The following PRKDC variants were observed in gnomAD, a reference collection of about 807,000 sequenced individuals.
PRKDC encodes the protein DNA-dependent protein kinase catalytic subunit.
Under a neutral mutation model 486.9 loss-of-function variants are expected in PRKDC, and 82 were observed. The observed-to-expected ratio is 0.17, with a 90% confidence interval of 0.14 to 0.20. The LOEUF (loss-of-function observed/expected upper bound fraction) is 0.20. PRKDC is among the 10% of genes least tolerant of loss of function. The pLI is 1.00. For missense variants in PRKDC, 4,504 were observed against 5,038.2 expected (o/e 0.89, Z 3.21); for synonymous variants, 1,895 against 1,837.0 (o/e 1.03, Z -0.81).
Position 47,785,259 on chromosome 8 carries a change from A to T in PRKDC, c.10961T>A (p.Met3654Lys). The T allele has an allele frequency of 6.2e-7, 1 of 1,613,020 alleles. No individual in the cohort carries two copies. The highest frequency in any genetic ancestry group is 8.5e-7 in the Non-Finnish European group (1 of 1,179,350). The change falls in exon 77 of 86, where the codon ATG becomes AAG. Residue 3654 changes from methionine to lysine, a missense_variant. Transcript: ENST00000314191. ...FGKGGSKLLRMKLSDFNDITN... is the reference protein window; with the variant it reads ...FGKGGSKLLRKKLSDFNDITN... ...AATGTCGTTGAAGTCACTGAGCTTC[A>T]TTCTCAGTAGTTTAGAACCTCCTTT...
chr8:47,777,029 T>C (rs1313358587), intron 84 of PRKDC, 46 bp from the exon 85 acceptor site: 4 of 1,577,902 alleles, frequency 2.5e-6, no homozygotes, highest in Non-Finnish European at 3.4e-6. Context: ...TAATGGTATA[T>C]ACAATCATGC....
At chr8:47,922,774 A>C (rs1234803916) in intron 21 of PRKDC, among the ~76,000 whole-genome samples, 1 of 152,190 alleles carries the variant, frequency 6.6e-6, no homozygotes, top group Non-Finnish European at 1.5e-5. Flanking sequence ...ATAATGTTTT[A>C]AAGACTTATT....
chr8:47,859,826 A>C (rs2088634139), intron 45 of PRKDC, 67 bp from the exon 46 acceptor site: 1 of 1,407,782 alleles, frequency 7.1e-7, no homozygotes, highest in Non-Finnish European at 9.7e-7. Context: ...TATTTCTCTA[A>C]ATTCAAATGA....
chr8:47,837,116 T>G, intron 57 of PRKDC, 96 bp downstream of exon 57: 1 of 1,290,912 alleles, frequency 7.7e-7, no homozygotes, highest in East Asian at 2.5e-5. Flanking sequence ...GAATGTGTAT[T>G]CTGAGAAGGC....
At chr8:47,908,258 C>T (rs1022998994) in intron 25 of PRKDC, among the ~76,000 whole-genome samples, 13 of 152,190 alleles carry the variant, frequency 8.5e-5, no homozygotes, top group African/African-American at 2.2e-4. Context: ...GTTTACAAAA[C>T]GGTTGACTAT....
At position 47,782,580 on chromosome 8, in the gene PRKDC, G is replaced by T; in HGVS notation, c.11194C>A (p.Leu3732Met). The T allele has an allele frequency of 6.4e-7, 1 of 1,561,074 alleles. No individual in the cohort carries two copies. The stretch of plus-strand genomic sequence containing the variant: ...ATGATGATGCGCTTGGGCCTTCGCA[G>T]AGACGCCATGACTGTCACCTTCAAA... Reference protein sequence around the residue: ...FDERVTVMASLRRPKRIIIRG... With the variant: ...FDERVTVMASMRRPKRIIIRG... The change falls in exon 79 of 86, where the codon CTG (leucine) becomes ATG (methionine). Residue 3732 changes from leucine to methionine, a missense_variant. Leu to Met is a conservative substitution (Grantham distance 15). This residue lies in a region of PRKDC where 706 missense variants were observed against 945.0 expected (regional missense o/e 0.75). Coordinates refer to ENST00000314191, the MANE Select transcript of PRKDC (RefSeq NM_006904.7). This position sits in a 1 kb window ranked among gnomAD's most constrained non-coding sequence, Gnocchi z 4.9.
intron 19 of PRKDC, among the ~76,000 whole-genome samples, chr8:47,928,145 C>G (rs2090184514): frequency 6.7e-6 from 1 of 149,118 alleles, no homozygotes; most frequent in South Asian, 2.1e-4. Context: ...GTTAAGAGAG[C>G]TTGAGGGACT....
At position 47,791,630 on chromosome 8, in the gene PRKDC, T is replaced by G. The variant is rs545308750; in HGVS notation, c.10671-2392A>C. 3.9e-5 allele frequency among the ~76,000 whole-genome samples: 6 copies of G among 152,198 alleles called. No homozygotes were observed. The East Asian group carries it at 1.2e-3, about 29-fold the overall frequency. On this transcript the variant is annotated intron_variant, in intron 74 of 85. Transcript: ENST00000314191. ...AATGGTAAACAGGTATATAAAAACA[T>G]GCTCAACATCAATGAACATCAGAGA...
chr8:47,938,252 CA>C lies in PRKDC; in HGVS notation c.1113+1298del, dbSNP rs1157193258. Reference sequence around the variant, plus strand: ...AGAAACCCTGTCTCTACTAAAAATACAAAAAAAAAAATACCCAGGTGTGGTG... The same window carrying C: ...AGAAACCCTGTCTCTACTAAAAATACAAAAAAAAAATACCCAGGTGTGGTG... On this transcript the variant is annotated intron_variant, in intron 11 of 85. Coordinates refer to ENST00000314191, the MANE Select transcript of PRKDC (RefSeq NM_006904.7). Among the ~76,000 whole-genome samples, 384 of 143,450 alleles carry C rather than the reference CA, an allele frequency of 2.7e-3. 2 individuals carry two copies. Among genetic ancestry groups the C allele is most frequent in the Middle Eastern group, 3.6e-3 (1 of 278 alleles). The allele number at this position is 143,450 out of a possible 152,430, so 94.1% of individuals were successfully genotyped here. A position where few individuals can be genotyped will look rare whatever the true frequency, so the allele number is the denominator to read the frequency against.
At chr8:47,813,061 ATT>A (rs1242299164) in intron 68 of PRKDC, among the ~76,000 whole-genome samples, 1 of 151,888 alleles carries the variant, frequency 6.6e-6, no homozygotes, top group Non-Finnish European at 1.5e-5. Flanking sequence ...GAAAAATACA[ATT>A]TAACAAAAAT....
intron 39 of PRKDC, among the ~76,000 whole-genome samples, chr8:47,878,948 C>T (rs1473724312): frequency 1.3e-5 from 2 of 152,054 alleles, no homozygotes; most frequent in Non-Finnish European, 2.9e-5. Flanking sequence ...TTCCAAAATC[C>T]GAAACACTTC....
intron 75 of PRKDC, 39 bp downstream of exon 75, chr8:47,789,112 C>T (rs993391568): frequency 1.9e-6 from 3 of 1,612,180 alleles, no homozygotes; most frequent in East Asian, 2.2e-5. Context: ...TTTTACCCAA[C>T]TTATATGTTT....
chr8:47,922,204 C>G (rs1485893272), intron 21 of PRKDC, among the ~76,000 whole-genome samples: 2 of 152,004 alleles, frequency 1.3e-5, no homozygotes, highest in Non-Finnish European at 2.9e-5. Flanking sequence ...GCAATCATGA[C>G]TTATTGCAGC....
At chr8:47,793,549 G>C (rs1026871137) in intron 74 of PRKDC, among the ~76,000 whole-genome samples, 1 of 151,822 alleles carries the variant, frequency 6.6e-6, no homozygotes, top group South Asian at 2.1e-4. Context: ...CTGAGGCAGG[G>C]AGAACTGCTT....
At chr8:47,839,126 C>T (rs1451039418) in intron 56 of PRKDC, 22 bp downstream of exon 56, 8 of 1,569,126 alleles carry the variant, frequency 5.1e-6, no homozygotes, top group African/African-American at 1.4e-5. Flanking sequence ...ATTTAATTGT[C>T]CCAGCCCAGT....
At chr8:47,950,237 A>G (rs2090605022) in intron 7 of PRKDC, among the ~76,000 whole-genome samples, 1 of 150,534 alleles carries the variant, frequency 6.6e-6, no homozygotes, top group Non-Finnish European at 1.5e-5. Context: ...GCGCCATTGC[A>G]CTCCAGGCTG....
Position 47,936,516 on chromosome 8 carries a change from G to A in PRKDC, c.1115C>T (p.Pro372Leu), listed in dbSNP as rs778630373. The A allele has an allele frequency of 1.3e-5, 21 of 1,613,392 alleles. No individual in the cohort carries two copies. Among genetic ancestry groups the A allele is most frequent in the Non-Finnish European group, 1.7e-5 (20 of 1,179,670 alleles). Residue 372 changes from proline (P) to leucine (L), a missense_variant and splice_region_variant, in exon 12 of 86, where the codon CCG becomes CTG. Physicochemically the swap from Pro to Leu is moderately conservative, Grantham distance 98. Coordinates refer to ENST00000314191, the MANE Select transcript of PRKDC (RefSeq NM_006904.7). ...ATCTTTTGCGTTTATAACCTTGCAC[G>A]GCTTTAGAAAAGGTAAAACAGAAGT... ...AIRGYGLFAGPCKVINAKDVD... is the reference protein window; with the variant it reads ...AIRGYGLFAGLCKVINAKDVD...
chr8:47,816,317 T>C (rs992017154), intron 68 of PRKDC, among the ~76,000 whole-genome samples: 10 of 152,066 alleles, frequency 6.6e-5, no homozygotes, highest in African/African-American at 1.4e-4. Context: ...AGTCCCACCA[T>C]GAGGAAACGT....
chr8:47,908,799 C>G (rs939182862), intron 25 of PRKDC, among the ~76,000 whole-genome samples: 11 of 152,160 alleles, frequency 7.2e-5, no homozygotes, highest in African/African-American at 2.4e-4. Flanking sequence ...AAGATATACA[C>G]AGACAGATAT....
Sources: allele counts gnomAD v4.1 joint callset (sites outside exome capture counted in the v4.1 genomes callset), GRCh38; gene constraint gnomAD v4.1.1; regional missense constraint gnomAD v4.1.1; non-coding constraint Gnocchi (gnomAD v3.1); transcripts MANE v1.5; gene names NCBI Gene and HGNC (gene_info 2026-07-23, HGNC 2026-07-21).